PLEKHF1: variants seen among roughly 807,000 people sequenced by gnomAD.
PLEKHF1 encodes the protein pleckstrin homology domain-containing family F member 1.
A neutral mutation model predicts 4.1 loss-of-function variants in PLEKHF1; 1 was observed. The observed-to-expected ratio is 0.24, with a 90% confidence interval of 0.09 to 1.15. The LOEUF is 1.15. PLEKHF1 is among the 50% of genes most tolerant of loss of function. PLEKHF1 has a pLI of 0.52. For missense variants in PLEKHF1, 429 were observed against 400.6 expected (o/e 1.07, Z -0.60); for synonymous variants, 182 against 178.5 (o/e 1.02, Z -0.16).
intron 1 of PLEKHF1, 67 bp downstream of exon 1, chr19:29,665,572 C>T (rs1170995870): frequency 8.0e-7 from 1 of 1,246,636 alleles, no homozygotes; most frequent in East Asian, 8.2e-5. Context: ...GCGAGTCTCC[C>T]ATCACCACCC....
rs768914347 is a variant in PLEKHF1, at chr19:29,674,679, A to AC, written c.*5dup. ...TGGCCTGGTCTGCCTTCCACAGCTG[A>AC]CCCCCGGCCTGCAGAACATCTGTCC... On this transcript the variant is annotated 3_prime_UTR_variant, in exon 2 of 2. Transcript: ENST00000436066. The AC allele has an allele frequency of 6.3e-7, 1 of 1,591,538 alleles. No homozygotes were observed. Among genetic ancestry groups the AC allele is most frequent in the South Asian group, 1.1e-5 (1 of 89,306 alleles).
intron 1 of PLEKHF1, chr19:29,666,811 C>T (rs1013542268): frequency 2.0e-5 from 3 of 152,240 alleles, no homozygotes; most frequent in African/African-American, 4.8e-5. Context: ...AACTTTGTGC[C>T]TGGTGAGCTC....
chr19:29,665,632 C>G, intron 1 of PLEKHF1, 127 bp downstream of exon 1: 1 of 1,163,188 alleles, frequency 8.6e-7, no homozygotes, highest in Non-Finnish European at 1.1e-6. Flanking sequence ...GCTCCTGGGC[C>G]GGCGGGGCGC....
rs1380517983 is a variant in PLEKHF1 at position 29,674,546 on chromosome 19, G to T, written c.707G>T (p.Arg236Leu). ...GSPGQPAHLA[R>L]PICGASSGDD... is the part of the protein sequence containing the mutation. ...CCAGGGCAGCCAGCCCACCTGGCCC[G>T]GCCCATCTGCGGAGCGTCCAGTGGA... Residue 236 changes from arginine to leucine, a missense_variant, in exon 2 of 2, where the codon CGG (arginine) becomes CTG (leucine). Transcript: ENST00000436066. 6 of 1,588,986 alleles carry T rather than the reference G, an allele frequency of 3.8e-6. No individual in the cohort carries two copies. Among genetic ancestry groups the T allele is most frequent in the South Asian group, 1.1e-5 (1 of 87,728 alleles).
At chr19:29,666,141 G>T (rs1470703487) in intron 1 of PLEKHF1, among the ~76,000 whole-genome samples, 1 of 152,104 alleles carries the variant, frequency 6.6e-6, no homozygotes, top group Admixed American at 6.5e-5. Context: ...AACACCTGGC[G>T]GGCCGTGTAG....
At chr19:29,665,689 TG>T in intron 1 of PLEKHF1, 184 bp downstream of exon 1, 1 of 1,111,754 alleles carries the variant, frequency 9.0e-7, no homozygotes, top group Admixed American at 5.5e-5. Context: ...AGGGCGCTCC[TG>T]GGCGGCTTGC....
At chr19:29,666,247 T>G (rs997017975) in intron 1 of PLEKHF1, among the ~76,000 whole-genome samples, 1 of 151,988 alleles carries the variant, frequency 6.6e-6, no homozygotes, top group Admixed American at 6.5e-5. Context: ...GAGCACTCCT[T>G]TGGAATTTGA....
At chr19:29,665,578 C>T in intron 1 of PLEKHF1, 73 bp downstream of exon 1, 1 of 1,239,286 alleles carries the variant, frequency 8.1e-7, no homozygotes, top group Admixed American at 2.8e-5. Flanking sequence ...CTCCCATCAC[C>T]ACCCCCGGAC....
chr19:29,665,944 C>A, intron 1 of PLEKHF1: 1 of 457,656 alleles, frequency 2.2e-6, no homozygotes, highest in Non-Finnish European at 2.9e-6. Flanking sequence ...GGACCACTGT[C>A]CCCCTGGGCA....
rs376972757 is a variant in PLEKHF1 at position 29,670,689 on chromosome 19, T to G, written c.-16-3135T>G. 1.7e-3 allele frequency among the ~76,000 whole-genome samples: 253 copies of G among 152,304 alleles called. 9 individuals are homozygous for G. The South Asian group carries it at 0.051, about 30-fold the overall frequency. Reference sequence around the variant, plus strand: ...GGTAGTTCTGTTTTTAACCTTTTTTTTTTTTTGAGACGGAGTCTCACTCTG... The same window carrying G: ...GGTAGTTCTGTTTTTAACCTTTTTTGTTTTTTGAGACGGAGTCTCACTCTG... On this transcript the variant is annotated intron_variant, in intron 1 of 1. Transcript: ENST00000436066.
intron 1 of PLEKHF1, among the ~76,000 whole-genome samples, chr19:29,669,304 C>T (rs1209479678): frequency 6.6e-6 from 1 of 152,210 alleles, no homozygotes; most frequent in Admixed American, 6.5e-5. Context: ...GCTCAACAAG[C>T]CCCCAGGGTT....
Position 29,671,029 on chromosome 19 carries a change from C to T in PLEKHF1, c.-16-2795C>T, listed in dbSNP as rs539166535. 3.0e-4 allele frequency among the ~76,000 whole-genome samples: 46 copies of T among 152,080 alleles called. No homozygotes were observed. The South Asian group carries it at 3.7e-3, about 12-fold the overall frequency. ...CTGCACCAGTTCCTATTCTCATCAG[C>T]AGTGCACAGTTTCCAGTTTCTCCAC... On this transcript the variant is annotated intron_variant, in intron 1 of 1. Transcript: ENST00000436066. This position sits in a 1 kb window ranked among gnomAD's most constrained non-coding sequence, Gnocchi z 4.0.
rs951449879 is a variant in PLEKHF1, at chr19:29,674,561, C to T, written c.722C>T (p.Ala241Val). Residue 241 changes from alanine to valine, a missense_variant, in exon 2 of 2, where the codon GCG becomes GTG. By Grantham distance (64) the Ala-to-Val change is moderately conservative. Coordinates refer to ENST00000436066, the MANE Select transcript of PLEKHF1 (RefSeq NM_024310.5). ...CACCTGGCCCGGCCCATCTGCGGAG[C>T]GTCCAGTGGAGATGACGATGACTCC... ...PAHLARPICG[A>V]SSGDDDDSDE... 16 of 1,596,338 alleles carry T rather than the reference C, an allele frequency of 1.0e-5. No individual in the cohort carries two copies. Among genetic ancestry groups the T allele is most frequent in the Non-Finnish European group, 1.2e-5 (14 of 1,172,638 alleles).
chr19:29,673,884 C>T lies in PLEKHF1; in HGVS notation c.45C>T (p.Ile15=), dbSNP rs1273866008. 4 of 1,609,962 alleles carry T rather than the reference C, an allele frequency of 2.5e-6. No homozygotes were observed. The highest frequency in any genetic ancestry group is 2.2e-5 in the East Asian group (1 of 44,782). ...LANTEINSQR[I]AAVESCFGAS... is the part of the protein sequence containing the mutation. ...ACACGGAGATCAACAGCCAGCGCAT[C>T]GCGGCAGTGGAGAGCTGCTTCGGGG... is the stretch of plus-strand genomic sequence containing the variant. Residue 15 remains isoleucine (I), a synonymous_variant, in exon 2 of 2, where the codon ATC becomes ATT. Transcript: ENST00000436066.
chr19:29,666,426 C>G (rs563824972), intron 1 of PLEKHF1, among the ~76,000 whole-genome samples: 5 of 152,214 alleles, frequency 3.3e-5, no homozygotes, highest in Non-Finnish European at 5.9e-5. Flanking sequence ...CGTCAGCCCT[C>G]CGGGCTGCCA....
chr19:29,665,517 C>A lies in PLEKHF1; in HGVS notation c.-17+12C>A. The A allele has an allele frequency of 8.1e-7, 1 of 1,236,242 alleles. No individual in the cohort carries two copies. Among genetic ancestry groups the A allele is most frequent in the Non-Finnish European group, 1.0e-6 (1 of 960,322 alleles). The allele number at this position is 1,236,242 out of a possible 1,614,324, so 76.6% of individuals were successfully genotyped here. A position where few individuals can be genotyped will look rare whatever the true frequency, so the allele number is the denominator to read the frequency against. On this transcript the variant is annotated intron_variant, in intron 1 of 1. Coordinates refer to ENST00000436066, the MANE Select transcript of PLEKHF1 (RefSeq NM_024310.5). Reference sequence around the variant, plus strand: ...GGCCGGCGCAGAAGGTGAGTCCCCCCACCGTCCCCCGGCCGGGCTGCGGGT... The same window carrying A: ...GGCCGGCGCAGAAGGTGAGTCCCCCAACCGTCCCCCGGCCGGGCTGCGGGT...
intron 1 of PLEKHF1, 34 bp from the exon 2 acceptor site, chr19:29,673,790 C>T (rs375327985): frequency 1.3e-6 from 2 of 1,560,378 alleles, no homozygotes; most frequent in South Asian, 1.2e-5. Flanking sequence ...CATGCCTGAG[C>T]CTGGACATAC....
At chr19:29,669,734 A>T (rs560028991) in intron 1 of PLEKHF1, among the ~76,000 whole-genome samples, 6 of 152,326 alleles carry the variant, frequency 3.9e-5, no homozygotes, top group African/African-American at 1.4e-4. Context: ...TTTTTAAAAA[A>T]ACTTTTTTAA....
At chr19:29,670,953 C>T (rs570243838) in intron 1 of PLEKHF1, among the ~76,000 whole-genome samples, 4 of 152,260 alleles carry the variant, frequency 2.6e-5, no homozygotes, top group East Asian at 3.9e-4. Context: ...GGATTACAGG[C>T]GTGAGTATTT....
Sources: gnomAD v4.1 joint callset for allele counts (sites outside exome capture counted in the v4.1 genomes callset) on GRCh38, gnomAD v4.1.1 for gene constraint, Gnocchi (gnomAD v3.1) non-coding constraint, MANE v1.5 for transcripts, NCBI Gene and HGNC (gene_info 2026-07-23, HGNC 2026-07-21) for gene names.